Variants in ZNF469 observed in about 807,000 individuals in gnomAD.
The protein encoded by ZNF469 is zinc finger protein 469.
A neutral mutation model predicts 1.0 loss-of-function variants in ZNF469; 1 was observed. That is an observed-to-expected ratio of 1.00 (90% confidence interval 0.35 to 4.73). ZNF469 has a LOEUF of 4.73. Among genes scored for constraint, ZNF469 ranks in the 30% most tolerant of loss-of-function variants. ZNF469 has a pLI of 0.16. For missense variants in ZNF469, 6,100 were observed against 5,356.3 expected (o/e 1.14, Z -4.33); for synonymous variants, 2,703 against 2,363.4 (o/e 1.14, Z -4.17).
chr16:88,238,499 CTAGG>C, the ZNF469 span, among the ~76,000 whole-genome samples: 1 of 152,212 alleles, frequency 6.6e-6, no homozygotes, highest in Non-Finnish European at 1.5e-5. Context: ...CAGATAGACT[CTAGG>C]TAGACCCGAG....
At chr16:88,383,800 G>C (rs2092531354) in intron 1 of ZNF469, among the ~76,000 whole-genome samples, 1 of 152,118 alleles carries the variant, frequency 6.6e-6, no homozygotes, top group African/African-American at 2.4e-5. Flanking sequence ...ACGGGGGTGG[G>C]AGCTTTGGAG....
chr16:88,428,795 AC>A lies in ZNF469; in HGVS notation c.1329del (p.Thr444GlnfsTer58). The A allele has an allele frequency of 6.5e-7, 1 of 1,545,620 alleles. No homozygotes were observed. Among genetic ancestry groups the A allele is most frequent in the Admixed American group, 2.0e-5 (1 of 50,904 alleles). On this transcript the variant is annotated frameshift_variant, in exon 3 of 3. Transcript: ENST00000565624. LOFTEE classifies it low-confidence loss of function (END_TRUNC). Reference protein sequence around the residue: ...PPPARLPQLWDPTAAPYPTPP... With the variant: ...PPPARLPQLWXPTAAPYPTPP... Reference sequence around the variant, plus strand: ...CCCGCCAGGCTGCCCCAGCTGTGGGACCCCACAGCAGCCCCTTACCCCACAC... The same window carrying A: ...CCCGCCAGGCTGCCCCAGCTGTGGGACCCACAGCAGCCCCTTACCCCACAC...
intron 1 of ZNF469, among the ~76,000 whole-genome samples, chr16:88,405,543 G>T (rs1441008056): frequency 2.6e-5 from 4 of 152,318 alleles, no homozygotes; most frequent in Non-Finnish European, 5.9e-5. Context: ...GGGCCTTGGG[G>T]GCTGGAGAGG....
Position 88,435,790 on chromosome 16 carries a change from C to A in ZNF469, c.8320C>A (p.Pro2774Thr). ...LGVCKESGSE[P>T]AEDSSRAHSR... ...TGTGTGCAAAGAGTCTGGGAGCGAGCCTGCGGAGGACAGCAGCAGGGCCCA... is the reference window on the plus strand; with the variant it reads ...TGTGTGCAAAGAGTCTGGGAGCGAGACTGCGGAGGACAGCAGCAGGGCCCA... Residue 2774 changes from proline to threonine, a missense_variant, in exon 3 of 3, where the codon CCT becomes ACT. Coordinates refer to ENST00000565624, the MANE Select transcript of ZNF469 (RefSeq NM_001367624.2). The A allele has an allele frequency of 6.4e-7, 1 of 1,550,616 alleles. No individual in the cohort carries two copies.
chr16:88,221,470 C>G, the ZNF469 span, among the ~76,000 whole-genome samples: 6 of 152,372 alleles, frequency 3.9e-5, no homozygotes, highest in African/African-American at 1.4e-4. Flanking sequence ...GATACAGGGC[C>G]TTGTAGACGA....
At chr16:88,415,785 G>A (rs967860347) in intron 1 of ZNF469, among the ~76,000 whole-genome samples, 7 of 152,206 alleles carry the variant, frequency 4.6e-5, no homozygotes, top group East Asian at 1.9e-4. Flanking sequence ...CGGGACCGAC[G>A]GCTTCTTCCA....
At chr16:88,247,672 C>T in the ZNF469 span, among the ~76,000 whole-genome samples, 6 of 139,152 alleles carry the variant, frequency 4.3e-5, no homozygotes, top group South Asian at 1.2e-3. Flanking sequence ...ATGAGTGAAT[C>T]GTGAATGACT....
the ZNF469 span, among the ~76,000 whole-genome samples, chr16:88,173,698 G>A: frequency 6.6e-6 from 1 of 152,186 alleles, no homozygotes; most frequent in African/African-American, 2.4e-5. Flanking sequence ...CACAAAGAAT[G>A]AGGGTTGGGG....
the ZNF469 span, among the ~76,000 whole-genome samples, chr16:88,228,468 G>T: frequency 1.7e-4 from 26 of 152,252 alleles, no homozygotes; most frequent in African/African-American, 6.3e-4. Context: ...TCAGAGCAGA[G>T]GAGAGGGCAC....
the ZNF469 span, among the ~76,000 whole-genome samples, chr16:88,262,690 C>G: frequency 1.3e-5 from 2 of 152,122 alleles, no homozygotes; most frequent in African/African-American, 2.4e-5. This position sits in a 1 kb window ranked among gnomAD's most constrained non-coding sequence, Gnocchi z 4.3. Context: ...CACAGGCCGA[C>G]AATTTCCCTG....
At chr16:88,222,180 TG>T in the ZNF469 span, among the ~76,000 whole-genome samples, 2 of 152,204 alleles carry the variant, frequency 1.3e-5, no homozygotes, top group Non-Finnish European at 2.9e-5. Flanking sequence ...ACGTTCTGTG[TG>T]GTAATGTTTT....
chr16:88,342,184 G>A, the ZNF469 span, among the ~76,000 whole-genome samples: 19 of 152,156 alleles, frequency 1.2e-4, no homozygotes, highest in Non-Finnish European at 2.1e-4. Context: ...TCGCAGGTCT[G>A]GGCTCGGTCT....
In ZNF469 at chr16:88,428,211, T is replaced by C; in HGVS notation, c.741T>C (p.Asn247=). ...PAAENSFPGA[N]FGVPPAEPEP... is the part of the protein sequence containing the mutation. Reference sequence around the variant, plus strand: ...CTGAGAATAGCTTCCCAGGTGCTAATTTCGGGGTTCCCCCCGCCGAGCCGG... The same window carrying C: ...CTGAGAATAGCTTCCCAGGTGCTAACTTCGGGGTTCCCCCCGCCGAGCCGG... The change falls in exon 3 of 3, where the codon AAT becomes AAC. Residue 247 remains asparagine, a synonymous_variant. Transcript: ENST00000565624. 2 of 1,550,270 alleles carry C rather than the reference T, an allele frequency of 1.3e-6. No homozygotes were observed. Among genetic ancestry groups the C allele is most frequent in the Non-Finnish European group, 1.7e-6 (2 of 1,146,934 alleles).
At chr16:88,269,408 G>A in the ZNF469 span, among the ~76,000 whole-genome samples, 1 of 152,228 alleles carries the variant, frequency 6.6e-6, no homozygotes, top group Non-Finnish European at 1.5e-5. Flanking sequence ...TGGCAGGTGG[G>A]TAGAACTGGT....
At chr16:88,235,708 G>A in the ZNF469 span, among the ~76,000 whole-genome samples, 1 of 152,214 alleles carries the variant, frequency 6.6e-6, no homozygotes, top group Non-Finnish European at 1.5e-5. Context: ...ATGAGGACTT[G>A]TTGCTGAAAA....
At chr16:88,304,757 A>G in the ZNF469 span, among the ~76,000 whole-genome samples, 4 of 152,198 alleles carry the variant, frequency 2.6e-5, no homozygotes, top group African/African-American at 9.6e-5. Context: ...ATCAGATTAT[A>G]GCTTTTGACT....
Position 88,439,741 on chromosome 16 carries a change from G to A in ZNF469, c.*409G>A. 1 of 281,364 alleles carries A rather than the reference G, an allele frequency of 3.6e-6. No homozygotes were observed. The highest frequency in any genetic ancestry group is 3.8e-5 in the South Asian group (1 of 26,014). The allele number at this position is 281,364 out of a possible 1,614,324, so 17.4% of individuals were successfully genotyped here. A position where few individuals can be genotyped will look rare whatever the true frequency, so the allele number is the denominator to read the frequency against. ...AGGGAAGTAAGTTGAGGCAGCCGTG[G>A]GATGGTGGTAGGTTCCCTCTTAGTC... is the stretch of plus-strand genomic sequence containing the variant. On this transcript the variant is annotated 3_prime_UTR_variant, in exon 3 of 3. Coordinates refer to ENST00000565624, the MANE Select transcript of ZNF469 (RefSeq NM_001367624.2).
chr16:88,305,156 C>T, the ZNF469 span, among the ~76,000 whole-genome samples: 60 of 152,260 alleles, frequency 3.9e-4, no homozygotes, highest in South Asian at 1.2e-3. Flanking sequence ...TGTCCATGCC[C>T]GGCATGGGGC....
chr16:88,240,236 C>G, the ZNF469 span, among the ~76,000 whole-genome samples: 1 of 152,232 alleles, frequency 6.6e-6, no homozygotes, highest in African/African-American at 2.4e-5. Context: ...ACACGGGTTT[C>G]TTTCACTTAG....
Sources: gnomAD v4.1 joint callset for allele counts (sites outside exome capture counted in the v4.1 genomes callset) on GRCh38, gnomAD v4.1.1 for gene constraint, Gnocchi (gnomAD v3.1) non-coding constraint, MANE v1.5 for transcripts, NCBI Gene and HGNC (gene_info 2026-07-23, HGNC 2026-07-21) for gene names.